The following CDH19 variants were observed in gnomAD, a reference collection of about 807,000 sequenced individuals.
The protein encoded by CDH19 is cadherin 19.
A neutral mutation model predicts 64.2 loss-of-function variants in CDH19; 67 were observed. The ratio of observed to expected loss-of-function variants is 1.04; its 90% CI spans 0.86 to 1.28. The LOEUF is 1.28. Ranked by LOEUF, CDH19 falls within the 50% of genes most tolerant of loss-of-function variation. The pLI, the probability that CDH19 is intolerant of heterozygous loss-of-function variation, is 0.00. For synonymous variants in CDH19, 346 were observed against 319.3 expected (o/e 1.08, Z -0.89); for missense variants, 1,030 against 929.0 (o/e 1.11, Z -1.41).
rs1988643317 is a variant in CDH19 at position 66,588,579 on chromosome 18, T to TAATG, written c.-113+15371_-113+15374dup. On this transcript the variant is annotated intron_variant, in intron 1 of 11. Coordinates refer to ENST00000262150, the MANE Select transcript of CDH19 (RefSeq NM_021153.4). Reference sequence around the variant, plus strand: ...ACTGATTCGCCCAAAATTGGGTAAATAATGATCTTACTCATTTTTACTAAT... The same window carrying TAATG: ...ACTGATTCGCCCAAAATTGGGTAAATAATGAATGATCTTACTCATTTTTACTAAT... Among the ~76,000 whole-genome samples the TAATG allele has an allele frequency of 2.0e-5, 3 of 146,834 alleles. No individual in the cohort carries two copies. In the East Asian group the frequency reaches 6.0e-4, roughly 30 times the overall value.
rs374741342 is a variant in CDH19, at chr18:66,523,882, G to A, written c.1458+5963C>T. ...GACAAGGCTCAACCTTGCACTCACC[G>A]TAAAGGAGAAAAGCTCTCCGGGGGT... On this transcript the variant is annotated intron_variant, in intron 9 of 11. Transcript: ENST00000262150. Among the ~76,000 whole-genome samples the A allele has an allele frequency of 2.4e-4, 30 of 125,592 alleles. No homozygotes were observed. The East Asian group carries it at 7.8e-3, about 33-fold the overall frequency. 82.4% of individuals were successfully genotyped at this position (125,592 alleles called of 152,430 possible).
chr18:66,561,799 A>T (rs1372952744), intron 3 of CDH19, among the ~76,000 whole-genome samples: 1 of 152,122 alleles, frequency 6.6e-6, no homozygotes, highest in Non-Finnish European at 1.5e-5. Context: ...CAGTTCACTT[A>T]TTCTGATAAT....
intron 9 of CDH19, among the ~76,000 whole-genome samples, chr18:66,524,666 C>T (rs1390682295): frequency 6.6e-6 from 1 of 150,946 alleles, no homozygotes; most frequent in Non-Finnish European, 1.5e-5. Context: ...GAAGTGGAAA[C>T]AGTGAACTTT....
intron 1 of CDH19, among the ~76,000 whole-genome samples, chr18:66,594,157 A>T (rs1269624254): frequency 1.3e-5 from 2 of 152,114 alleles, no homozygotes; most frequent in South Asian, 4.1e-4. Context: ...ACTATCAAAA[A>T]CGACAAAAAT....
intron 1 of CDH19, among the ~76,000 whole-genome samples, chr18:66,574,082 G>C (rs1360213740): frequency 6.6e-6 from 1 of 151,392 alleles, no homozygotes; most frequent in Admixed American, 6.6e-5. Flanking sequence ...CAGTTTTTTG[G>C]TACATTTCTC....
At chr18:66,549,028 C>A (rs79487898) in intron 5 of CDH19, among the ~76,000 whole-genome samples, 2,661 of 152,008 alleles carry the variant, frequency 0.018, 65 homozygotes, top group African/African-American at 0.059. Context: ...TGAGTATTTA[C>A]ATTGAGAGGA....
At position 66,529,941 on chromosome 18, in the gene CDH19, G is replaced by A. The variant is rs1487852201; in HGVS notation, c.1362C>T (p.Ile454=). Residue 454 remains isoleucine, a synonymous_variant, in exon 9 of 12, where the codon ATC becomes ATT. Transcript: ENST00000262150. ...EKYNIEQISS[I]PLYVQVLNIN... is the part of the protein sequence containing the mutation. ...TGTTAAGAACTTGCACATACAGTGG[G>A]ATCGAAGAGATCTGTTCTATATTGT... 5.2e-6 allele frequency: 8 copies of A among 1,549,642 alleles called. No individual in the cohort carries two copies. The highest frequency in any genetic ancestry group is 4.1e-5 in the African/African-American group (3 of 73,002).
intron 1 of CDH19, among the ~76,000 whole-genome samples, chr18:66,586,712 C>T (rs907922526): frequency 6.6e-6 from 1 of 152,006 alleles, no homozygotes; most frequent in African/African-American, 2.4e-5. Flanking sequence ...TGTCTCAATG[C>T]TCATTTCAAA....
intron 5 of CDH19, among the ~76,000 whole-genome samples, chr18:66,545,265 A>G (rs1987066206): frequency 6.6e-6 from 1 of 152,036 alleles, no homozygotes; most frequent in South Asian, 2.1e-4. Context: ...GATGTGAGCC[A>G]CCGTGCCGGG....
rs151280908 is a variant in CDH19 at position 66,544,670 on chromosome 18, G to T, written c.960+49C>A. On this transcript the variant is annotated intron_variant, in intron 6 of 11. Transcript: ENST00000262150. ...TAACCAGCTACACAAAATATGTTAT[G>T]TTTTAATTTTGCGCTATTCTGCAAG... 1.4e-3 allele frequency: 1,709 copies of T among 1,255,524 alleles called. 41 individuals carry two copies. In the Admixed American group the frequency reaches 0.036, roughly 27 times the overall value. The allele number at this position is 1,255,524 out of a possible 1,614,324, so 77.8% of individuals were successfully genotyped here.
At position 66,552,383 on chromosome 18, in the gene CDH19, A is replaced by G. The variant is rs573408120; in HGVS notation, c.611-1125T>C. ...TTTATTGGACTAAATTTAATATAAT[A>G]TAATTTTTTAAAGAATTGTTATATG... On this transcript the variant is annotated intron_variant, in intron 4 of 11. Transcript: ENST00000262150. Among the ~76,000 whole-genome samples the G allele has an allele frequency of 1.6e-4, 24 of 151,476 alleles. No homozygotes were observed. The East Asian group carries it at 4.6e-3, about 29-fold the overall frequency.
At chr18:66,527,307 C>T (rs1213317980) in intron 9 of CDH19, among the ~76,000 whole-genome samples, 2 of 151,618 alleles carry the variant, frequency 1.3e-5, no homozygotes, top group Non-Finnish European at 2.9e-5. Flanking sequence ...TTCCAGGTTG[C>T]ATGTGAAATA....
chr18:66,596,479 A>G (rs1370163361), intron 1 of CDH19, among the ~76,000 whole-genome samples: 3 of 152,160 alleles, frequency 2.0e-5, no homozygotes, highest in Non-Finnish European at 4.4e-5. Flanking sequence ...TCAAGGTACA[A>G]AAATCAGTAA....
chr18:66,548,383 T>G (rs1459594115), intron 5 of CDH19, among the ~76,000 whole-genome samples: 1 of 23,294 alleles, frequency 4.3e-5, no homozygotes, highest in Non-Finnish European at 7.5e-5. Context: ...CCAGAGGTGG[T>G]TATGTAAAGC....
intron 3 of CDH19, among the ~76,000 whole-genome samples, chr18:66,562,428 A>G (rs545816239): frequency 6.6e-6 from 1 of 152,112 alleles, no homozygotes; most frequent in South Asian, 2.1e-4. Context: ...TAATCCCGCC[A>G]CTGATCTGAC....
intron 5 of CDH19, 118 bp from the exon 6 acceptor site, chr18:66,545,021 C>T: frequency 2.8e-6 from 2 of 714,746 alleles, no homozygotes; most frequent in South Asian, 2.4e-5. Context: ...TTCTGTCGCC[C>T]AGGCTGGAGT....
intron 11 of CDH19, among the ~76,000 whole-genome samples, chr18:66,507,298 T>A (rs796552006): frequency 4.6e-5 from 7 of 152,006 alleles, no homozygotes; most frequent in African/African-American, 1.7e-4. Flanking sequence ...AAATGAGGAA[T>A]GGATTGGTTT....
Position 66,544,126 on chromosome 18 carries a change from G to A in CDH19, c.1059C>T (p.Ser353=). The change falls in exon 7 of 12, where the codon TCC becomes TCT. Residue 353 remains serine, a synonymous_variant. Transcript: ENST00000262150. The part of the protein sequence containing the change: ...EQLMKYHTEA[S]TTFIKIQVED... Reference sequence around the variant, plus strand: ...CCACCTGGATCTTAATGAAAGTGGTGGAAGCCTCAGTGTGGTACTTCATGA... The same window carrying A: ...CCACCTGGATCTTAATGAAAGTGGTAGAAGCCTCAGTGTGGTACTTCATGA... 1.2e-6 allele frequency: 2 copies of A among 1,613,942 alleles called. No individual in the cohort carries two copies. Among genetic ancestry groups the A allele is most frequent in the East Asian group, 4.5e-5 (2 of 44,870 alleles).
chr18:66,554,617 T>A, intron 3 of CDH19, 93 bp from the exon 4 acceptor site: 2 of 1,008,980 alleles, frequency 2.0e-6, no homozygotes, highest in Non-Finnish European at 2.8e-6. Context: ...AAGCAAGATG[T>A]TGTTACAAAA....
Sources: gnomAD v4.1 joint callset for allele counts (sites outside exome capture counted in the v4.1 genomes callset) on GRCh38, gnomAD v4.1.1 for gene constraint, MANE v1.5 for transcripts, NCBI Gene and HGNC (gene_info 2026-07-23, HGNC 2026-07-21) for gene names.